The following AGL variants were observed in gnomAD, a reference collection of about 807,000 sequenced individuals.
AGL encodes the protein glycogen debranching enzyme.
In AGL, 128 loss-of-function variants were observed where a neutral mutation model predicts 199.3. The ratio of observed to expected loss-of-function variants is 0.64; its 90% CI spans 0.56 to 0.74. The LOEUF (loss-of-function observed/expected upper bound fraction) is 0.74, where lower values mean the gene tolerates loss of function less well. Among genes scored for constraint, AGL ranks in the 30% least tolerant of loss-of-function variants. The pLI is 0.00. For missense variants in AGL, 1,809 were observed against 1,820.8 expected, an observed-to-expected ratio of 0.99 and a Z score of 0.12; for synonymous variants, 584 against 594.7, an observed-to-expected ratio of 0.98 and a Z score of 0.26.
intron 21 of AGL, among the ~76,000 whole-genome samples, chr1:99,889,092 C>CCA (rs35373898): frequency 0.52 from 78,315 of 151,712 alleles, 20,631 homozygotes; most frequent in East Asian, 0.67. Context: ...CTTACTTTTC[C>CCA]CCTGCAAAAT....
At chr1:99,890,783 T>G (rs931091914) in intron 21 of AGL, among the ~76,000 whole-genome samples, 1 of 152,130 alleles carries the variant, frequency 6.6e-6, no homozygotes, top group Non-Finnish European at 1.5e-5. Context: ...CTGAAACCAG[T>G]TCTATGACTT....
At chr1:99,898,738 AAG>A (rs1447162112) in intron 25 of AGL, among the ~76,000 whole-genome samples, 1 of 152,122 alleles carries the variant, frequency 6.6e-6, no homozygotes, top group Non-Finnish European at 1.5e-5. Flanking sequence ...CAGAGAGGGA[AAG>A]AGAGCTGGGG....
chr1:99,918,676 G>T (rs1392740081), intron 33 of AGL, among the ~76,000 whole-genome samples: 1 of 152,058 alleles, frequency 6.6e-6, no homozygotes, highest in Non-Finnish European at 1.5e-5. Flanking sequence ...ACCTTGTTGG[G>T]TGCTAGATTT....
In AGL at chr1:99,881,084, A is replaced by G. The variant is rs144723143; in HGVS notation, c.1908A>G (p.Ser636=). 3.7e-4 allele frequency: 605 copies of G among 1,613,592 alleles called. 1 individual carries two copies. The highest frequency in any genetic ancestry group is 3.5e-4 in the Non-Finnish European group (413 of 1,179,562). The change falls in exon 15 of 34, where the codon TCA becomes TCG. Residue 636 remains serine (S), a synonymous_variant. Transcript: ENST00000361915. ...TTGTTGTTGTCTTCTAGCATAGATC[A>G]GCGTATGATGCTCTTCCAAGTACTA... ...HDNECPIVHR[S]AYDALPSTTI... is the part of the protein sequence containing the mutation.
At chr1:99,919,036 G>A (rs1655330548) in intron 33 of AGL, among the ~76,000 whole-genome samples, 1 of 152,064 alleles carries the variant, frequency 6.6e-6, no homozygotes, top group Non-Finnish European at 1.5e-5. Context: ...AGATACTTGA[G>A]TGGGACCCTC....
intron 3 of AGL, 49 bp downstream of exon 3, chr1:99,861,762 A>G: frequency 6.3e-7 from 1 of 1,590,856 alleles, no homozygotes; most frequent in Middle Eastern, 2.1e-4. Context: ...TTGTTCTGTA[A>G]TTTGAAGTCA....
intron 1 of AGL, 30 bp downstream of exon 1, chr1:99,850,445 G>C (rs998615584): frequency 5.2e-5 from 8 of 153,162 alleles, no homozygotes; most frequent in African/African-American, 1.9e-4. Context: ...CTGGCCTCGC[G>C]GGGAAACGCA....
intron 25 of AGL, among the ~76,000 whole-genome samples, chr1:99,897,051 G>C (rs531631808): frequency 6.6e-6 from 1 of 152,294 alleles, no homozygotes; most frequent in East Asian, 1.9e-4. Context: ...TCCCGACCTT[G>C]TGATTTGCCT....
At chr1:99,913,854 C>A in intron 30 of AGL, 116 bp downstream of exon 30, 1 of 981,934 alleles carries the variant, frequency 1.0e-6, no homozygotes, top group Non-Finnish European at 1.6e-6. Flanking sequence ...ATATTGCTTA[C>A]TAGCTAGTTT....
intron 33 of AGL, among the ~76,000 whole-genome samples, chr1:99,920,263 G>A (rs1655424072): frequency 6.6e-6 from 1 of 152,128 alleles, no homozygotes; most frequent in Non-Finnish European, 1.5e-5. Context: ...AAAAATCAAG[G>A]CATGGGCAGA....
intron 27 of AGL, among the ~76,000 whole-genome samples, chr1:99,910,010 G>T (rs917197265): frequency 1.3e-5 from 2 of 152,132 alleles, no homozygotes; most frequent in East Asian, 3.8e-4. Context: ...TATTATCTAT[G>T]ATTAAACTTT....
rs758497436 is a variant in AGL at position 99,875,171 on chromosome 1, T to C, written c.1100T>C (p.Ile367Thr). The C allele has an allele frequency of 1.9e-6, 3 of 1,614,068 alleles. No individual in the cohort carries two copies. The highest frequency in any genetic ancestry group is 1.7e-5 in the Admixed American group (1 of 60,022). Residue 367 changes from isoleucine (I) to threonine (T), a missense_variant, in exon 9 of 34, where the codon ATT (isoleucine) becomes ACT (threonine). Physicochemically the swap from Ile to Thr is moderately conservative, Grantham distance 89. Coordinates refer to ENST00000361915, the MANE Select transcript of AGL (RefSeq NM_000642.3). Reference sequence around the variant, plus strand: ...TGCTCTAGCAAGGGGCCAGCAGCAATTGAAGAATGCTGTAATTGGTTTCAT... The same window carrying C: ...TGCTCTAGCAAGGGGCCAGCAGCAACTGAAGAATGCTGTAATTGGTTTCAT... Reference protein sequence around the residue: ...FIPHDKGPAAIEECCNWFHKR... With the variant: ...FIPHDKGPAATEECCNWFHKR...
intron 25 of AGL, 141 bp from the exon 26 acceptor site, chr1:99,900,495 C>A: frequency 2.6e-6 from 2 of 766,168 alleles, no homozygotes; most frequent in African/African-American, 1.7e-5. Context: ...CATACTATGA[C>A]TACTTTCTAC....
At position 99,876,671 on chromosome 1, in the gene AGL, C is replaced by T. The variant is rs3736295; in HGVS notation, c.1423+74C>T. On this transcript the variant is annotated intron_variant, in intron 11 of 33. Coordinates refer to ENST00000361915, the MANE Select transcript of AGL (RefSeq NM_000642.3). The stretch of plus-strand genomic sequence containing the variant: ...CAAGGTCAAAATAAAATCTGCTTTA[C>T]TGATTTTCTTCCCCATTAGTCTATT... 0.55 allele frequency: 845,921 copies of T among 1,539,116 alleles called. 234,757 individuals carry two copies. Among genetic ancestry groups the T allele is most frequent in the East Asian group, 0.68 (30,014 of 44,396 alleles).
chr1:99,891,091 C>T, intron 21 of AGL, 129 bp from the exon 22 acceptor site: 2 of 1,140,298 alleles, frequency 1.8e-6, no homozygotes, highest in South Asian at 2.6e-5. Context: ...CTGGGTAGCC[C>T]TTGTGTGTGC....
chr1:99,876,861 G>A (rs1255180512), intron 11 of AGL, among the ~76,000 whole-genome samples: 1 of 151,910 alleles, frequency 6.6e-6, no homozygotes, highest in African/African-American at 2.4e-5. Context: ...CTATATTGTG[G>A]GTCTACATAA....
chr1:99,915,553 ATT>A (rs11438303), intron 31 of AGL, 67 bp downstream of exon 31: 318 of 1,032,596 alleles, frequency 3.1e-4, no homozygotes, highest in Middle Eastern at 6.6e-4. Flanking sequence ...ATCAACCATA[ATT>A]TTTTTTTTTT....
intron 21 of AGL, 30 bp downstream of exon 21, chr1:99,888,138 G>C: frequency 6.2e-7 from 1 of 1,610,084 alleles, no homozygotes; most frequent in Non-Finnish European, 8.5e-7. Context: ...GCTGAGCTTT[G>C]TGTTTTTCTT....
intron 2 of AGL, chr1:99,861,248 A>G: frequency 7.5e-7 from 1 of 1,335,036 alleles, no homozygotes; most frequent in African/African-American, 1.5e-5. Flanking sequence ...CTATGTGAAT[A>G]GGAATGCGTT....
Sources: allele counts gnomAD v4.1 joint callset (sites outside exome capture counted in the v4.1 genomes callset), GRCh38; gene constraint gnomAD v4.1.1; transcripts MANE v1.5; gene names NCBI Gene and HGNC (gene_info 2026-07-23, HGNC 2026-07-21).